Variants in HUNK observed in about 807,000 individuals in gnomAD.
HUNK encodes hormonally up-regulated Neu-associated kinase.
A neutral mutation model predicts 61.0 loss-of-function variants in HUNK; 21 were observed. That is an observed-to-expected ratio of 0.34 (90% confidence interval 0.24 to 0.50). The LOEUF (loss-of-function observed/expected upper bound fraction) is 0.50, where lower values mean the gene tolerates loss of function less well. Among genes scored for constraint, HUNK ranks in the 20% least tolerant of loss-of-function variants. The pLI, the probability that HUNK is intolerant of heterozygous loss-of-function variation, is 0.98. For synonymous variants in HUNK, 371 were observed against 386.1 expected (o/e 0.96, Z 0.46); for missense variants, 772 against 945.7 (o/e 0.82, Z 2.41).
Position 31,916,788 on chromosome 21 carries a change from T to A in HUNK, c.262-7680T>A, listed in dbSNP as rs572969960. 8.2e-4 allele frequency among the ~76,000 whole-genome samples: 124 copies of A among 151,988 alleles called. 1 individual carries two copies. Among genetic ancestry groups the A allele is most frequent in the Non-Finnish European group, 1.1e-3 (75 of 67,988 alleles). On this transcript the variant is annotated intron_variant, in intron 1 of 10. Coordinates refer to ENST00000270112, the MANE Select transcript of HUNK (RefSeq NM_014586.2). ...GCCTCCCAGGTTCAAGTGATTCTCC[T>A]GCCTCAGCCTCCCAAGTAGCTGGGA...
In HUNK at chr21:31,968,013, AG is replaced by A. The variant is rs58681697; in HGVS notation, c.875-236del. On this transcript the variant is annotated intron_variant, in intron 5 of 10. Transcript: ENST00000270112. ...TGGCTATGTGGTGTGTATTTTTTAA[AG>A]AGAGAGAGGGGGAAATGGGATTTTC... 3.3e-5 allele frequency among the ~76,000 whole-genome samples: 5 copies of A among 152,232 alleles called. No homozygotes were observed. In the East Asian group the frequency reaches 9.7e-4, roughly 29 times the overall value.
At position 32,002,010 on chromosome 21, in the gene HUNK, GCTT is replaced by G. The variant is rs1461965144; in HGVS notation, c.*2830_*2832del. On this transcript the variant is annotated 3_prime_UTR_variant, in exon 11 of 11. Coordinates refer to ENST00000270112, the MANE Select transcript of HUNK (RefSeq NM_014586.2). ...AATACACTTTTCCCTCACTACGACT[GCTT>G]CTTTATTTGCTGATAAATCTTAAAA... The G allele has an allele frequency of 1.3e-5, 2 of 152,654 alleles. No homozygotes were observed. The highest frequency in any genetic ancestry group is 4.8e-5 in the African/African-American group (2 of 41,456). The allele number at this position is 152,654 out of a possible 1,614,324, so 9.5% of individuals were successfully genotyped here. A position where few individuals can be genotyped will look rare whatever the true frequency, so the allele number is the denominator to read the frequency against.
chr21:31,888,740 CAAAACA>C (rs754771255), intron 1 of HUNK, among the ~76,000 whole-genome samples: 4 of 149,554 alleles, frequency 2.7e-5, no homozygotes, highest in African/African-American at 4.9e-5. Flanking sequence ...AACTCCATCT[CAAAACA>C]AAAACAAAAA....
At position 31,917,695 on chromosome 21, in the gene HUNK, T is replaced by TACACACACACACAC. The variant is rs3056146; in HGVS notation, c.262-6724_262-6711dup. Among the ~76,000 whole-genome samples the TACACACACACACAC allele has an allele frequency of 1.7e-3, 166 of 94,940 alleles. 1 individual carries two copies. The highest frequency in any genetic ancestry group is 4.0e-3 in the East Asian group (11 of 2,728). 62.3% of individuals were successfully genotyped at this position (94,940 alleles called of 152,430 possible). A position where few individuals can be genotyped will look rare whatever the true frequency, so the allele number is the denominator to read the frequency against. ...CTCCTGAAACTCCCATTCCCAAACATACACACACACACACACACACACACA... is the reference window on the plus strand; with the variant it reads ...CTCCTGAAACTCCCATTCCCAAACATACACACACACACACACACACACACACACACACACACACA... On this transcript the variant is annotated intron_variant, in intron 1 of 10. Coordinates refer to ENST00000270112, the MANE Select transcript of HUNK (RefSeq NM_014586.2).
intron 2 of HUNK, among the ~76,000 whole-genome samples, chr21:31,926,379 T>C (rs1167015884): frequency 6.6e-6 from 1 of 152,166 alleles, no homozygotes; most frequent in Non-Finnish European, 1.5e-5. Context: ...CATTTAAAAG[T>C]GTATAATCTA....
At chr21:31,993,404 A>G (rs73901244) in intron 9 of HUNK, among the ~76,000 whole-genome samples, 1,811 of 152,342 alleles carry the variant, frequency 0.012, 29 homozygotes, top group African/African-American at 0.041. Flanking sequence ...GCAGCCTGAA[A>G]AAAATGTTTG....
intron 9 of HUNK, among the ~76,000 whole-genome samples, chr21:31,991,893 G>A (rs1280606293): frequency 6.6e-6 from 1 of 152,230 alleles, no homozygotes; most frequent in African/African-American, 2.4e-5. Context: ...CCTGTTAAAT[G>A]GATGCATTTG....
intron 2 of HUNK, among the ~76,000 whole-genome samples, chr21:31,927,233 G>T (rs1389735665): frequency 6.6e-6 from 1 of 151,910 alleles, no homozygotes; most frequent in East Asian, 2.0e-4. Context: ...TAGAGATGGG[G>T]TTTCACCATG....
chr21:31,988,602 T>C (rs766905094), intron 8 of HUNK, among the ~76,000 whole-genome samples: 1 of 152,148 alleles, frequency 6.6e-6, no homozygotes, highest in Non-Finnish European at 1.5e-5. Flanking sequence ...TGTGTATCTG[T>C]GTCCCAATTT....
At chr21:31,995,971 C>T in intron 10 of HUNK, 23 bp downstream of exon 10, 2 of 1,584,964 alleles carry the variant, frequency 1.3e-6, no homozygotes, top group Non-Finnish European at 1.7e-6. Flanking sequence ...TGGGGACTCT[C>T]TCAGGCCACT....
intron 10 of HUNK, 89 bp downstream of exon 10, chr21:31,996,037 C>T (rs1046724932): frequency 1.4e-5 from 14 of 984,942 alleles, no homozygotes; most frequent in East Asian, 5.2e-5. Flanking sequence ...CGAATGGGCC[C>T]TAGAGCAGAG....
chr21:31,940,180 G>A lies in HUNK; in HGVS notation c.570G>A (p.Glu190=), dbSNP rs2123827525. ...AGVVHRDLKI[E]NLLLDEDNNI... The stretch of plus-strand genomic sequence containing the variant: ...TTTATTTCAGAGACTTGAAGATAGA[G>A]AATTTGCTACTAGATGAAGACAATA... Residue 190 remains glutamate, a synonymous_variant, in exon 3 of 11, where the codon GAG becomes GAA. Coordinates refer to ENST00000270112, the MANE Select transcript of HUNK (RefSeq NM_014586.2). 6.3e-7 allele frequency: 1 copy of A among 1,591,882 alleles called. No individual in the cohort carries two copies. Among genetic ancestry groups the A allele is most frequent in the Non-Finnish European group, 8.6e-7 (1 of 1,169,584 alleles).
chr21:31,896,466 T>C (rs2052425766), intron 1 of HUNK, among the ~76,000 whole-genome samples: 2 of 152,242 alleles, frequency 1.3e-5, no homozygotes, highest in African/African-American at 2.4e-5. Flanking sequence ...GATACCACGA[T>C]ACCTGGAAAC....
chr21:31,963,113 C>T (rs1273689156), intron 5 of HUNK, among the ~76,000 whole-genome samples: 1 of 152,222 alleles, frequency 6.6e-6, no homozygotes, highest in Non-Finnish European at 1.5e-5. Flanking sequence ...CAGCCTGGCC[C>T]TGCTTATATC....
chr21:31,917,745 CACACACACA>C (rs2052594891), intron 1 of HUNK, among the ~76,000 whole-genome samples: 1 of 147,678 alleles, frequency 6.8e-6, no homozygotes, highest in Non-Finnish European at 1.5e-5. Context: ...CACACACACA[CACACACACA>C]CACCCCTGGA....
In HUNK at chr21:32,003,843, TGAG is replaced by T. The variant is rs931705528; in HGVS notation, c.*4663_*4665del. 14 of 152,308 alleles carry T rather than the reference TGAG, an allele frequency of 9.2e-5. No individual in the cohort carries two copies. Among genetic ancestry groups the T allele is most frequent in the African/African-American group, 3.4e-4 (14 of 41,550 alleles). 9.4% of individuals were successfully genotyped at this position (152,308 alleles called of 1,614,324 possible). A position where few individuals can be genotyped will look rare whatever the true frequency, so the allele number is the denominator to read the frequency against. On this transcript the variant is annotated 3_prime_UTR_variant, in exon 11 of 11. Transcript: ENST00000270112. The stretch of plus-strand genomic sequence containing the variant: ...GCTGAGGAGGCTTTGGAAGAGAAGG[TGAG>T]GAGCATTTCAGGATTTGCAGTCCCC...
intron 6 of HUNK, among the ~76,000 whole-genome samples, chr21:31,971,755 T>C (rs2053012449): frequency 6.6e-6 from 1 of 151,960 alleles, no homozygotes; most frequent in South Asian, 2.1e-4. Context: ...GTAAATTTTT[T>C]ATAAATAAAT....
intron 4 of HUNK, among the ~76,000 whole-genome samples, chr21:31,950,618 A>G (rs969791776): frequency 1.3e-5 from 2 of 152,162 alleles, no homozygotes; most frequent in South Asian, 4.1e-4. Context: ...GGTCTGAGCA[A>G]ACTTTCTATC....
At position 31,990,353 on chromosome 21, in the gene HUNK, A is replaced by T. The variant is rs147144853; in HGVS notation, c.1305+177A>T. Among the ~76,000 whole-genome samples the T allele has an allele frequency of 5.5e-3, 829 of 151,774 alleles. 9 individuals carry two copies. The highest frequency in any genetic ancestry group is 0.019 in the African/African-American group (804 of 41,398). ...CAGGGCAGACCAGCAGGTTGGTTGA[A>T]TTGATGTTGCAGCTTCAAGTCTGAA... On this transcript the variant is annotated intron_variant, in intron 9 of 10. Transcript: ENST00000270112.
Sources: allele counts gnomAD v4.1 joint callset (sites outside exome capture counted in the v4.1 genomes callset), GRCh38; gene constraint gnomAD v4.1.1; transcripts MANE v1.5; gene names NCBI Gene and HGNC (gene_info 2026-07-23, HGNC 2026-07-21).